The following SSH1 variants were observed in gnomAD, a reference collection of about 807,000 sequenced individuals.
The protein encoded by SSH1 is protein phosphatase Slingshot homolog 1.
A neutral mutation model predicts 79.7 loss-of-function variants in SSH1; 43 were observed. The ratio of observed to expected loss-of-function variants is 0.54; its 90% CI spans 0.42 to 0.70. The LOEUF (loss-of-function observed/expected upper bound fraction) is 0.70. Ranked by LOEUF, SSH1 falls within the 30% of genes least tolerant of loss-of-function variation. SSH1 has a pLI of 0.00. For synonymous variants in SSH1, 599 were observed against 538.3 expected (o/e 1.11, Z -1.56); for missense variants, 1,206 against 1,358.8 (o/e 0.89, Z 1.77).
chr12:108,853,334 CTTATTT>C, intron 1 of SSH1: 1 of 985,140 alleles, frequency 1.0e-6, no homozygotes, highest in Non-Finnish European at 1.2e-6. Flanking sequence ...GTACCTATGA[CTTATTT>C]TTATTTTTTT....
intron 9 of SSH1, 129 bp from the exon 10 acceptor site, chr12:108,805,313 T>C (rs1180380575): frequency 1.0e-6 from 1 of 1,001,678 alleles, no homozygotes; most frequent in East Asian, 2.5e-5. Flanking sequence ...TCTTTCAGAG[T>C]AATACATTTA....
Position 108,786,707 on chromosome 12 carries a change from T to A in SSH1, c.*1281A>T, listed in dbSNP as rs1015161648. 1.3e-5 allele frequency: 2 copies of A among 152,224 alleles called. No individual in the cohort carries two copies. The highest frequency in any genetic ancestry group is 2.4e-5 in the African/African-American group (1 of 41,448). 9.4% of individuals were successfully genotyped at this position (152,224 alleles called of 1,614,324 possible). A position where few individuals can be genotyped will look rare whatever the true frequency, so the allele number is the denominator to read the frequency against. ...TTAAAGAGGAAAAACCATTCCTAGC[T>A]CACGGGGCCACATGCCATAGTTTGC... On this transcript the variant is annotated 3_prime_UTR_variant, in exon 15 of 15. Coordinates refer to ENST00000326495, the MANE Select transcript of SSH1 (RefSeq NM_018984.4).
rs1339999757 is a variant in SSH1, at chr12:108,781,126, T to C, written c.*6862A>G. 6.6e-6 allele frequency: 1 copy of C among 151,164 alleles called. No homozygotes were observed. The highest frequency in any genetic ancestry group is 1.5e-5 in the Non-Finnish European group (1 of 67,874). The allele number at this position is 151,164 out of a possible 1,614,324, so 9.4% of individuals were successfully genotyped here. On this transcript the variant is annotated 3_prime_UTR_variant, in exon 15 of 15. Coordinates refer to ENST00000326495, the MANE Select transcript of SSH1 (RefSeq NM_018984.4). ...CAAAATTTGGCACCCCATAGAGATT[T>C]ACCTAGAAGGGGCTGGGCACAGTGG... is the stretch of plus-strand genomic sequence containing the variant.
In SSH1 at chr12:108,799,059, C is replaced by T. The variant is rs762892345; in HGVS notation, c.1290G>A (p.Thr430=). The change falls in exon 13 of 15, where the codon ACG becomes ACA. Residue 430 remains threonine, a synonymous_variant. Transcript: ENST00000326495. ...GCCTCATAAAGCCCGCGTTGGGGCG[C>T]GTGATGCTGCGCTTCTGCTTTACAT... ...YNYVKQKRSI[T]RPNAGFMRQL... is the part of the protein sequence containing the mutation. 46 of 1,614,136 alleles carry T rather than the reference C, an allele frequency of 2.8e-5. 1 individual carries two copies. In the South Asian group the frequency reaches 4.3e-4, roughly 15 times the overall value.
In SSH1 at chr12:108,786,894, A is replaced by T. The variant is rs2036290964; in HGVS notation, c.*1094T>A. ...CCGCCCACAGAGCCAGGCAGCGACT[A>T]CAGATCCCTCTTATACTCCCTCACT... On this transcript the variant is annotated 3_prime_UTR_variant, in exon 15 of 15. Transcript: ENST00000326495. 6.6e-6 allele frequency: 1 copy of T among 152,354 alleles called. No homozygotes were observed. Among genetic ancestry groups the T allele is most frequent in the Non-Finnish European group, 1.5e-5 (1 of 68,120 alleles). 9.4% of individuals were successfully genotyped at this position (152,354 alleles called of 1,614,324 possible).
rs559601575 is a variant in SSH1, at chr12:108,792,044, C to A, written c.1893+242G>T. ...ATGGTGTGCAGAGATATGTGTTATT[C>A]CCAACAGATTCTCAATTTGCTATAT... On this transcript the variant is annotated intron_variant, in intron 14 of 14. Transcript: ENST00000326495. The A allele has an allele frequency of 1.1e-5, 16 of 1,441,392 alleles. No homozygotes were observed. In the Admixed American group the frequency reaches 2.9e-4, roughly 26 times the overall value. 89.3% of individuals were successfully genotyped at this position (1,441,392 alleles called of 1,614,324 possible). A position where few individuals can be genotyped will look rare whatever the true frequency, so the allele number is the denominator to read the frequency against.
intron 10 of SSH1, 150 bp from the exon 11 acceptor site, chr12:108,802,518 T>A (rs1028650028): frequency 1.4e-6 from 1 of 716,152 alleles, no homozygotes; most frequent in Non-Finnish European, 2.5e-6. Flanking sequence ...GCGGCTGATA[T>A]TCAAGGAGAT....
At position 108,783,979 on chromosome 12, in the gene SSH1, T is replaced by G. The variant is rs568836931; in HGVS notation, c.*4009A>C. ...AGGTGAAGGGGGTCCCCTCGCTGAG[T>G]TGCGTGTTTAGAGGAGCCCTGCTAG... On this transcript the variant is annotated 3_prime_UTR_variant, in exon 15 of 15. Transcript: ENST00000326495. 1 of 152,240 alleles carries G rather than the reference T, an allele frequency of 6.6e-6. No homozygotes were observed. Among genetic ancestry groups the G allele is most frequent in the East Asian group, 1.9e-4 (1 of 5,178 alleles). 9.4% of individuals were successfully genotyped at this position (152,240 alleles called of 1,614,324 possible). A position where few individuals can be genotyped will look rare whatever the true frequency, so the allele number is the denominator to read the frequency against.
At chr12:108,795,574 T>C (rs994545449) in intron 13 of SSH1, among the ~76,000 whole-genome samples, 1 of 151,586 alleles carries the variant, frequency 6.6e-6, no homozygotes, top group African/African-American at 2.4e-5. Flanking sequence ...AAAATACATA[T>C]AATATAAAAT....
chr12:108,856,580 A>G (rs987044), intron 1 of SSH1, among the ~76,000 whole-genome samples: 90,443 of 152,142 alleles, frequency 0.59, 29,252 homozygotes, highest in East Asian at 0.99. Context: ...ACAGACGTGA[A>G]ACACAGCCAC....
intron 5 of SSH1, among the ~76,000 whole-genome samples, chr12:108,814,262 C>T (rs562696379): frequency 6.6e-6 from 1 of 152,084 alleles, no homozygotes; most frequent in Admixed American, 6.5e-5. Context: ...CGCAAGCCTG[C>T]TGCAGGAGCC....
chr12:108,832,563 T>C (rs139386681), intron 2 of SSH1, among the ~76,000 whole-genome samples: 2 of 152,312 alleles, frequency 1.3e-5, no homozygotes, highest in African/African-American at 2.4e-5. Flanking sequence ...ACCCCAGGCC[T>C]AGCAAAGTGA....
At chr12:108,840,923 G>A (rs922368262) in intron 2 of SSH1, among the ~76,000 whole-genome samples, 1 of 152,158 alleles carries the variant, frequency 6.6e-6, no homozygotes, top group Admixed American at 6.6e-5. Flanking sequence ...ACCCCCATAA[G>A]CGCATGACCT....
At chr12:108,810,303 C>T (rs1030666842) in intron 6 of SSH1, among the ~76,000 whole-genome samples, 4 of 151,940 alleles carry the variant, frequency 2.6e-5, no homozygotes, top group Non-Finnish European at 5.9e-5. Flanking sequence ...GGGTGGATCA[C>T]CTGAGGTCAA....
At chr12:108,822,528 C>T (rs1423849686) in intron 3 of SSH1, among the ~76,000 whole-genome samples, 1 of 152,032 alleles carries the variant, frequency 6.6e-6, no homozygotes, top group Non-Finnish European at 1.5e-5. Context: ...CTTGCTGCAG[C>T]CTCAAACTCC....
chr12:108,845,233 GA>G (rs1249292767), intron 2 of SSH1, among the ~76,000 whole-genome samples: 1 of 150,002 alleles, frequency 6.7e-6, no homozygotes, highest in Non-Finnish European at 1.5e-5. Flanking sequence ...AAAAGAAAAT[GA>G]ATTCAGCCAA....
In SSH1 at chr12:108,831,084, T is replaced by C. The variant is rs183763780; in HGVS notation, c.111-7723A>G. 4.9e-3 allele frequency among the ~76,000 whole-genome samples: 753 copies of C among 152,278 alleles called. 25 individuals carry two copies. Among genetic ancestry groups the C allele is most frequent in the Admixed American group, 0.045 (694 of 15,298 alleles). Reference sequence around the variant, plus strand: ...ATGCCTAAGGAAACAGGGAGTTAAATAGTACAAATTTAGGATTTCTGATGC... The same window carrying C: ...ATGCCTAAGGAAACAGGGAGTTAAACAGTACAAATTTAGGATTTCTGATGC... On this transcript the variant is annotated intron_variant, in intron 2 of 14. Transcript: ENST00000326495.
intron 2 of SSH1, among the ~76,000 whole-genome samples, chr12:108,851,004 C>G (rs1419922432): frequency 6.6e-6 from 1 of 152,040 alleles, no homozygotes; most frequent in Non-Finnish European, 1.5e-5. Context: ...ACAGTCTGAT[C>G]TGCAACTCGG....
At chr12:108,790,419 G>A (rs1241511205) in intron 14 of SSH1, among the ~76,000 whole-genome samples, 1 of 152,156 alleles carries the variant, frequency 6.6e-6, no homozygotes, top group Non-Finnish European at 1.5e-5. Flanking sequence ...CAAAGTGCTG[G>A]GATTACAGGC....
Sources: allele counts gnomAD v4.1 joint callset (sites outside exome capture counted in the v4.1 genomes callset), GRCh38; gene constraint gnomAD v4.1.1; transcripts MANE v1.5; gene names NCBI Gene and HGNC (gene_info 2026-07-23, HGNC 2026-07-21).